ACOT11: variants seen among roughly 807,000 people sequenced by gnomAD.
ACOT11 encodes acyl-coenzyme A thioesterase 11.
ACOT11 carries 69 observed loss-of-function variants against 77.5 expected under a neutral mutation model. That is an observed-to-expected ratio of 0.89 (90% CI 0.73 to 1.09). ACOT11 has a LOEUF of 1.09. Ranked by LOEUF, ACOT11 falls within the 50% of genes least tolerant of loss-of-function variation. The probability of loss-of-function intolerance (pLI) is 0.00; values close to 1 mark genes in which losing one functional copy is unlikely to be tolerated. For missense variants in ACOT11, 766 were observed against 813.7 expected (o/e 0.94, Z 0.71); for synonymous variants, 279 against 313.0 (o/e 0.89, Z 1.15).
At position 54,610,081 on chromosome 1, in the gene ACOT11, C is replaced by T. The variant is rs1435549145; in HGVS notation, c.*969C>T. Reference sequence around the variant, plus strand: ...TGGAATCTGTCAACCCAGTTTTGGGCTCCAGGTGGATGGGTTGCTTTATAA... The same window carrying T: ...TGGAATCTGTCAACCCAGTTTTGGGTTCCAGGTGGATGGGTTGCTTTATAA... On this transcript the variant is annotated 3_prime_UTR_variant, in exon 16 of 16. Coordinates refer to ENST00000343744, the MANE Select transcript of ACOT11 (RefSeq NM_147161.4). 13 of 1,436,544 alleles carry T rather than the reference C, an allele frequency of 9.0e-6. No individual in the cohort carries two copies. The highest frequency in any genetic ancestry group is 1.5e-5 in the South Asian group (1 of 66,686). 89.0% of individuals were successfully genotyped at this position (1,436,544 alleles called of 1,614,324 possible).
chr1:54,614,950 G>T, downstream of ACOT11: 1 of 1,293,056 alleles, frequency 7.7e-7, no homozygotes. Context: ...GTGTGTGTGT[G>T]TGTGCATGTG....
intron 6 of ACOT11, among the ~76,000 whole-genome samples, chr1:54,596,044 C>A (rs1332459543): frequency 1.3e-5 from 2 of 152,262 alleles, no homozygotes; most frequent in Admixed American, 6.5e-5. Context: ...CATCCCCTTG[C>A]AGCCCTCCTA....
chr1:54,588,103 C>T (rs1232721794), intron 3 of ACOT11, among the ~76,000 whole-genome samples: 1 of 151,918 alleles, frequency 6.6e-6, no homozygotes, highest in Non-Finnish European at 1.5e-5. Context: ...ACTTGGGAGG[C>T]TGAGGTGGGA....
chr1:54,575,823 G>A (rs1654094364), intron 1 of ACOT11, among the ~76,000 whole-genome samples: 1 of 152,204 alleles, frequency 6.6e-6, no homozygotes, highest in African/African-American at 2.4e-5. Flanking sequence ...CAGGCAGAGG[G>A]AGTGGCACGG....
At chr1:54,570,944 A>C (rs1044812000) in intron 1 of ACOT11, among the ~76,000 whole-genome samples, 1 of 152,138 alleles carries the variant, frequency 6.6e-6, no homozygotes, top group Non-Finnish European at 1.5e-5. Context: ...CGGCCTCCCA[A>C]AGTGCTGGGA....
At position 54,581,962 on chromosome 1, in the gene ACOT11, G is replaced by T. The variant is rs1413498603; in HGVS notation, c.34-2693G>T. On this transcript the variant is annotated intron_variant, in intron 1 of 15. Coordinates refer to ENST00000343744, the MANE Select transcript of ACOT11 (RefSeq NM_147161.4). Reference sequence around the variant, plus strand: ...CCAAGGAAGGAGTGGAGTCTGAAAGGCTATGCCTGGGGCCACCTGCTGCTC... The same window carrying T: ...CCAAGGAAGGAGTGGAGTCTGAAAGTCTATGCCTGGGGCCACCTGCTGCTC... 2.6e-5 allele frequency among the ~76,000 whole-genome samples: 4 copies of T among 152,070 alleles called. No homozygotes were observed. The East Asian group carries it at 7.7e-4, about 29-fold the overall frequency.
At chr1:54,591,883 T>G (rs1286069379) in intron 3 of ACOT11, among the ~76,000 whole-genome samples, 3 of 152,252 alleles carry the variant, frequency 2.0e-5, no homozygotes, top group Non-Finnish European at 4.4e-5. Context: ...CCTGCCAAGC[T>G]TATTCTGAGG....
intron 1 of ACOT11, among the ~76,000 whole-genome samples, chr1:54,556,320 G>A (rs974672860): frequency 2.0e-5 from 3 of 152,214 alleles, no homozygotes; most frequent in African/African-American, 4.8e-5. Context: ...AGGTAGTACA[G>A]TATGATGCCT....
At chr1:54,592,740 G>A in intron 4 of ACOT11, 134 bp downstream of exon 4, 2 of 845,668 alleles carry the variant, frequency 2.4e-6, no homozygotes, top group Non-Finnish European at 3.5e-6. Flanking sequence ...TTCTGTAATG[G>A]TTGGCAGAGC....
In ACOT11 at chr1:54,584,077, G is replaced by A. The variant is rs1334481705; in HGVS notation, c.34-578G>A. Among the ~76,000 whole-genome samples the A allele has an allele frequency of 6.6e-6, 1 of 152,138 alleles. No individual in the cohort carries two copies. The highest frequency in any genetic ancestry group is 2.4e-5 in the African/African-American group (1 of 41,432). On this transcript the variant is annotated intron_variant, in intron 1 of 15. Transcript: ENST00000343744. The surrounding 1 kb of genome is among the most constrained non-coding windows in gnomAD (Gnocchi z 6.3). Reference sequence around the variant, plus strand: ...GTACCCAGCCCTGGATCAGACAGCTGGTCTGTGACTGCCCACAGCCCTCCC... The same window carrying A: ...GTACCCAGCCCTGGATCAGACAGCTAGTCTGTGACTGCCCACAGCCCTCCC...
intron 1 of ACOT11, among the ~76,000 whole-genome samples, chr1:54,558,428 C>T (rs773639120): frequency 3.3e-5 from 5 of 152,052 alleles, no homozygotes; most frequent in African/African-American, 1.2e-4. Context: ...GTAAGTTGCC[C>T]GAGGTAACAC....
intron 1 of ACOT11, among the ~76,000 whole-genome samples, chr1:54,574,550 A>G (rs1006211811): frequency 1.3e-5 from 2 of 152,204 alleles, no homozygotes; most frequent in Admixed American, 1.3e-4. Flanking sequence ...GCACCTCACA[A>G]CAATCTACAA....
At chr1:54,554,637 C>G (rs1280457722) in intron 1 of ACOT11, among the ~76,000 whole-genome samples, 2 of 151,742 alleles carry the variant, frequency 1.3e-5, no homozygotes, top group African/African-American at 2.4e-5. Flanking sequence ...TTTGAGCCAC[C>G]ACACCCAGCT....
At chr1:54,553,912 G>A (rs1653158904) in intron 1 of ACOT11, among the ~76,000 whole-genome samples, 1 of 152,110 alleles carries the variant, frequency 6.6e-6, no homozygotes, top group African/African-American at 2.4e-5. Context: ...GGTGGCTCGT[G>A]CCCATAATCC....
At chr1:54,626,241 G>T (rs1172550439) in intron 15 of ACOT11, among the ~76,000 whole-genome samples, 1 of 151,986 alleles carries the variant, frequency 6.6e-6, no homozygotes, top group Non-Finnish European at 1.5e-5. Context: ...TTGACCACCA[G>T]CCTGAGCGAC....
intron 3 of ACOT11, among the ~76,000 whole-genome samples, chr1:54,586,620 G>A (rs1654511422): frequency 6.6e-6 from 1 of 152,050 alleles, no homozygotes; most frequent in African/African-American, 2.4e-5. Flanking sequence ...TTTTAGTAGA[G>A]ACGGGGTTTC....
In ACOT11 at chr1:54,604,353, T is replaced by C; in HGVS notation, c.1160T>C (p.Leu387Pro). 2 of 1,611,786 alleles carry C rather than the reference T, an allele frequency of 1.2e-6. No homozygotes were observed. Among genetic ancestry groups the C allele is most frequent in the Non-Finnish European group, 1.7e-6 (2 of 1,178,024 alleles). The change falls in exon 12 of 16, where the codon CTG (leucine) becomes CCG (proline). Residue 387 changes from leucine to proline, a missense_variant. Transcript: ENST00000343744. ...ACCTGTGTACTCTTTCAGGTGTACC[T>C]GAGCTACAATAACGTCTCCTCCTTG... is the stretch of plus-strand genomic sequence containing the variant. ...VPWDPSNQVY[L>P]SYNNVSSLKM...
chr1:54,561,784 T>C (rs1400631872), intron 1 of ACOT11, among the ~76,000 whole-genome samples: 578 of 64,480 alleles, frequency 9.0e-3, no homozygotes, highest in African/African-American at 0.027. Flanking sequence ...GGCGGGGGGC[T>C]GACCCCCCCA....
intron 16 of ACOT11, among the ~76,000 whole-genome samples, chr1:54,632,746 A>G (rs567475928): frequency 3.9e-5 from 6 of 152,334 alleles, no homozygotes; most frequent in African/African-American, 1.4e-4. Flanking sequence ...ACAAGAACGG[A>G]CATTTCACTC....
Sources: gnomAD v4.1 joint callset for allele counts (sites outside exome capture counted in the v4.1 genomes callset) on GRCh38, gnomAD v4.1.1 for gene constraint, Gnocchi (gnomAD v3.1) non-coding constraint, MANE v1.5 for transcripts, NCBI Gene and HGNC (gene_info 2026-07-23, HGNC 2026-07-21) for gene names.